The following MTREX variants were observed in gnomAD, a reference collection of about 807,000 sequenced individuals.
MTREX encodes exosome RNA helicase MTR4.
A neutral mutation model predicts 135.4 loss-of-function variants in MTREX; 76 were observed. The ratio of observed to expected loss-of-function variants is 0.56; its 90% CI spans 0.47 to 0.68. The LOEUF (loss-of-function observed/expected upper bound fraction) is 0.68, where lower values mean the gene tolerates loss of function less well. MTREX is among the 30% of genes least tolerant of loss of function. The probability of loss-of-function intolerance (pLI) is 0.00; values close to 1 mark genes in which losing one functional copy is unlikely to be tolerated. For synonymous variants in MTREX, 404 were observed against 401.6 expected (o/e 1.01, Z -0.07); for missense variants, 920 against 1,262.1 (o/e 0.73, Z 4.11).
chr5:55,411,567 C>A (rs1406334715), intron 23 of MTREX, among the ~76,000 whole-genome samples: 4 of 152,024 alleles, frequency 2.6e-5, no homozygotes, highest in African/African-American at 9.7e-5. Context: ...ATTTATTAAT[C>A]AGATCAAATA....
intron 1 of MTREX, among the ~76,000 whole-genome samples, chr5:55,313,678 T>C (rs1005007596): frequency 3.9e-5 from 6 of 152,240 alleles, no homozygotes; most frequent in Admixed American, 6.5e-5. Flanking sequence ...TCAGTGTATT[T>C]ACAGTTTTTA....
chr5:55,319,499 A>G (rs1749252800), intron 1 of MTREX, among the ~76,000 whole-genome samples: 1 of 152,198 alleles, frequency 6.6e-6, no homozygotes, highest in Non-Finnish European at 1.5e-5. Context: ...CCAATAAGTT[A>G]TAATTAGATG....
intron 5 of MTREX, 145 bp from the exon 6 acceptor site, chr5:55,339,865 A>G (rs1749615984): frequency 1.1e-5 from 5 of 438,058 alleles, no homozygotes; most frequent in Non-Finnish European, 1.6e-5. Flanking sequence ...AATTATTAGT[A>G]TAATAGATAT....
Position 55,425,209 on chromosome 5 carries a change from A to G in MTREX, c.*437A>G. 1 of 1,613,066 alleles carries G rather than the reference A, an allele frequency of 6.2e-7. No homozygotes were observed. Among genetic ancestry groups the G allele is most frequent in the Non-Finnish European group, 8.5e-7 (1 of 1,179,718 alleles). Reference sequence around the variant, plus strand: ...CACCTGGGCACCCTGCTGCCTTTCAAGGCTGGTGATTGCTCGGATAGTGAT... The same window carrying G: ...CACCTGGGCACCCTGCTGCCTTTCAGGGCTGGTGATTGCTCGGATAGTGAT... On this transcript the variant is annotated 3_prime_UTR_variant, in exon 27 of 27. Coordinates refer to ENST00000230640, the MANE Select transcript of MTREX (RefSeq NM_015360.5).
chr5:55,314,987 A>G (rs947496310), intron 1 of MTREX, among the ~76,000 whole-genome samples: 1 of 152,208 alleles, frequency 6.6e-6, no homozygotes, highest in Non-Finnish European at 1.5e-5. Context: ...ACTTCCTGCT[A>G]TGCAGCCTGG....
intron 25 of MTREX, among the ~76,000 whole-genome samples, chr5:55,417,855 A>G (rs1262562332): frequency 6.6e-6 from 1 of 152,156 alleles, no homozygotes; most frequent in East Asian, 1.9e-4. Flanking sequence ...TCAGAACACA[A>G]TGACATAAAA....
chr5:55,361,059 T>C (rs1048937298), intron 15 of MTREX, among the ~76,000 whole-genome samples: 1 of 152,210 alleles, frequency 6.6e-6, no homozygotes, highest in Admixed American at 6.5e-5. Context: ...CTCTTGCAAA[T>C]AGATTTTTCA....
chr5:55,322,679 T>C (rs1217150879), intron 2 of MTREX, among the ~76,000 whole-genome samples: 2 of 152,214 alleles, frequency 1.3e-5, no homozygotes, highest in Non-Finnish European at 2.9e-5. Flanking sequence ...TTTAATACTT[T>C]AGAATCCAGT....
At chr5:55,420,369 T>G (rs1177940946) in intron 25 of MTREX, among the ~76,000 whole-genome samples, 1 of 152,226 alleles carries the variant, frequency 6.6e-6, no homozygotes, top group Non-Finnish European at 1.5e-5. Context: ...CGGGTAAGGC[T>G]GATGTTTATT....
intron 1 of MTREX, among the ~76,000 whole-genome samples, chr5:55,315,977 A>G (rs1579843951): frequency 6.6e-6 from 1 of 152,320 alleles, no homozygotes; most frequent in East Asian, 1.9e-4. Context: ...CCACAGAAAT[A>G]AAAACAACCA....
chr5:55,342,413 C>T (rs548481560), intron 7 of MTREX, among the ~76,000 whole-genome samples: 42 of 152,078 alleles, frequency 2.8e-4, no homozygotes, highest in Non-Finnish European at 4.0e-4. Flanking sequence ...AGTTAACTTT[C>T]CTGATTTTTA....
chr5:55,391,446 C>CA (rs1750564804), intron 19 of MTREX, among the ~76,000 whole-genome samples: 1 of 152,126 alleles, frequency 6.6e-6, no homozygotes, highest in African/African-American at 2.4e-5. Flanking sequence ...GACCCTCTCT[C>CA]AAAAAAATCA....
chr5:55,352,511 CA>C (rs1194657936), intron 13 of MTREX, among the ~76,000 whole-genome samples: 1 of 152,020 alleles, frequency 6.6e-6, no homozygotes, highest in Non-Finnish European at 1.5e-5. Context: ...AGTATACATA[CA>C]AATAATGCAT....
chr5:55,347,270 T>G, intron 11 of MTREX, 126 bp downstream of exon 11: 1 of 894,244 alleles, frequency 1.1e-6, no homozygotes, highest in Non-Finnish European at 1.6e-6. Flanking sequence ...ACAGCAGTAC[T>G]CAGCACATTT....
intron 18 of MTREX, among the ~76,000 whole-genome samples, chr5:55,385,920 A>G (rs1750471711): frequency 6.6e-6 from 1 of 152,232 alleles, no homozygotes; most frequent in South Asian, 2.1e-4. Context: ...TTAGGCAAAG[A>G]TAGAATGAGG....
intron 3 of MTREX, among the ~76,000 whole-genome samples, chr5:55,326,377 G>T (rs1749378001): frequency 6.6e-6 from 1 of 152,084 alleles, no homozygotes; most frequent in Non-Finnish European, 1.5e-5. Flanking sequence ...TCCAGCCTGG[G>T]TGACAGAGTG....
In MTREX at chr5:55,425,158, T is replaced by C. The variant is rs1751140167; in HGVS notation, c.*386T>C. 5 of 1,581,454 alleles carry C rather than the reference T, an allele frequency of 3.2e-6. No individual in the cohort carries two copies. Among genetic ancestry groups the C allele is most frequent in the African/African-American group, 1.4e-5 (1 of 73,102 alleles). On this transcript the variant is annotated 3_prime_UTR_variant, in exon 27 of 27. Coordinates refer to ENST00000230640, the MANE Select transcript of MTREX (RefSeq NM_015360.5). ...GCATCCTCTTGCCTTGTGGCAATCA[T>C]TTTCCTTTAGAAAACAGGCCAGCTT...
intron 1 of MTREX, among the ~76,000 whole-genome samples, chr5:55,311,370 A>G (rs1477798446): frequency 1.3e-5 from 2 of 152,194 alleles, no homozygotes; most frequent in Non-Finnish European, 2.9e-5. Flanking sequence ...GATCATTGGT[A>G]GTTGAATCAG....
intron 13 of MTREX, among the ~76,000 whole-genome samples, chr5:55,351,489 A>G (rs1318944221): frequency 6.6e-6 from 1 of 152,188 alleles, no homozygotes; most frequent in East Asian, 1.9e-4. Context: ...CGGAGATCAC[A>G]CCATTGTACT....
Sources: allele counts gnomAD v4.1 joint callset (sites outside exome capture counted in the v4.1 genomes callset), GRCh38; gene constraint gnomAD v4.1.1; transcripts MANE v1.5; gene names NCBI Gene and HGNC (gene_info 2026-07-23, HGNC 2026-07-21).